NSUN2: variants seen among roughly 807,000 people sequenced by gnomAD.
NSUN2 encodes the protein NOP2/Sun RNA methyltransferase 2.
In NSUN2, 63 loss-of-function variants were observed where a neutral mutation model predicts 92.7. That is an observed-to-expected ratio of 0.68 (90% CI 0.56 to 0.84). The LOEUF (loss-of-function observed/expected upper bound fraction) is 0.84, where lower values mean the gene tolerates loss of function less well. Among genes scored for constraint, NSUN2 ranks in the 40% least tolerant of loss-of-function variants. The pLI is 0.00. For synonymous variants in NSUN2, 356 were observed against 348.3 expected (o/e 1.02, Z -0.25); for missense variants, 989 against 964.9 (o/e 1.02, Z -0.33).
At chr5:6,623,369 G>T in intron 4 of NSUN2, 84 bp from the exon 5 acceptor site, 2 of 1,229,174 alleles carry the variant, frequency 1.6e-6, no homozygotes, top group Non-Finnish European at 2.3e-6. Flanking sequence ...TGTTTCAAAG[G>T]CAACAGGAAA....
intron 3 of NSUN2, among the ~76,000 whole-genome samples, chr5:6,626,272 A>G (rs1030153251): frequency 3.9e-5 from 6 of 152,134 alleles, no homozygotes; most frequent in African/African-American, 1.4e-4. Flanking sequence ...TCCTGCCATC[A>G]TATCTGTGAA....
At position 6,607,086 on chromosome 5, in the gene NSUN2, C is replaced by G. The variant is rs1736806919; in HGVS notation, c.1508+114G>C. 2.4e-5 allele frequency: 27 copies of G among 1,117,904 alleles called. 1 individual carries two copies. In the Middle Eastern group the frequency reaches 6.2e-4, roughly 25 times the overall value. The allele number at this position is 1,117,904 out of a possible 1,614,324, so 69.2% of individuals were successfully genotyped here. ...CCCTCACACTGCATGTGCCTGATAC[C>G]ACACATGTACTGCCCCCTCAAACCG... On this transcript the variant is annotated intron_variant, in intron 13 of 18. Transcript: ENST00000264670.
At chr5:6,614,094 G>GAAAA (rs1491184285) in intron 9 of NSUN2, among the ~76,000 whole-genome samples, 1 of 53,414 alleles carries the variant, frequency 1.9e-5, no homozygotes, top group Non-Finnish European at 3.5e-5. Context: ...AGACTGTCTC[G>GAAAA]GAAAAAAAAA....
At chr5:6,620,367 C>A (rs1737388126) in intron 6 of NSUN2, 69 bp from the exon 7 acceptor site, 1 of 1,222,094 alleles carries the variant, frequency 8.2e-7, no homozygotes, top group Admixed American at 2.8e-5. Flanking sequence ...AAATATGCGA[C>A]CTCCAAAGGT....
At chr5:6,614,494 T>C (rs1323898116) in intron 9 of NSUN2, among the ~76,000 whole-genome samples, 1 of 152,216 alleles carries the variant, frequency 6.6e-6, no homozygotes, top group Non-Finnish European at 1.5e-5. Context: ...TGTGAGGTTC[T>C]GTCCACTCTT....
At chr5:6,625,958 GA>G (rs1440909422) in intron 3 of NSUN2, among the ~76,000 whole-genome samples, 1 of 152,032 alleles carries the variant, frequency 6.6e-6, no homozygotes, top group Non-Finnish European at 1.5e-5. Flanking sequence ...GAGATCAGAT[GA>G]AAAAGCGGAC....
At chr5:6,628,352 AT>A (rs1184547178) in intron 3 of NSUN2, among the ~76,000 whole-genome samples, 2 of 152,154 alleles carry the variant, frequency 1.3e-5, no homozygotes, top group East Asian at 1.9e-4. Flanking sequence ...TCAAAAAAAA[AT>A]ATAAGTAAAC....
At position 6,600,200 on chromosome 5, in the gene NSUN2, A is replaced by G; in HGVS notation, c.2030T>C (p.Leu677Ser). The G allele has an allele frequency of 6.2e-7, 1 of 1,614,238 alleles. No homozygotes were observed. The highest frequency in any genetic ancestry group is 1.1e-5 in the South Asian group (1 of 91,088). ...NPDALQCPIV[L>S]CGWRGKASIR... ...GGAGGCCTTTCCCCGCCATCCGCAT[A>G]AGACGATGGGACACTGCAGAGCGTC... The change falls in exon 19 of 19, where the codon TTA (leucine) becomes TCA (serine). Residue 677 changes from leucine (L) to serine (S), a missense_variant. Leu to Ser is a moderately radical substitution (Grantham distance 145). Around this residue, in one of 3 missense-constraint regions of NSUN2, gnomAD observed 626 missense variants for 602.3 expected, o/e 1.04. Coordinates refer to ENST00000264670, the MANE Select transcript of NSUN2 (RefSeq NM_017755.6).
chr5:6,613,276 A>C (rs1215342462), intron 9 of NSUN2, among the ~76,000 whole-genome samples: 1 of 152,274 alleles, frequency 6.6e-6, no homozygotes, highest in Non-Finnish European at 1.5e-5. Context: ...CAACACAATC[A>C]AAACTATTCA....
chr5:6,614,096 A>G (rs1478593704), intron 9 of NSUN2, among the ~76,000 whole-genome samples: 23 of 31,612 alleles, frequency 7.3e-4, no homozygotes, highest in East Asian at 3.3e-3. Flanking sequence ...ACTGTCTCGG[A>G]AAAAAAAAAA....
rs11748532 is a variant in NSUN2, at chr5:6,603,829, C to T, written c.1957+309G>A. Reference sequence around the variant, plus strand: ...CTGCTCACAGGCTGACCCCTCCTCTCCCCGGACTCTCTGGCCCAGCAAGGT... The same window carrying T: ...CTGCTCACAGGCTGACCCCTCCTCTTCCCGGACTCTCTGGCCCAGCAAGGT... On this transcript the variant is annotated intron_variant, in intron 17 of 18. Coordinates refer to ENST00000264670, the MANE Select transcript of NSUN2 (RefSeq NM_017755.6). 0.4 allele frequency: 104,139 copies of T among 262,132 alleles called. 21,769 individuals carry two copies. Among genetic ancestry groups the T allele is most frequent in the African/African-American group, 0.53 (23,577 of 44,454 alleles). 16.2% of individuals were successfully genotyped at this position (262,132 alleles called of 1,614,324 possible).
rs1182063931 is a variant in NSUN2 at position 6,599,676 on chromosome 5, GACCC to G, written c.*246_*249del. ...TCTATTCCCAGCAAAAGAAACACTA[GACCC>G]AGCTTGGCCAAAGAAACAAAATAAA... On this transcript the variant is annotated 3_prime_UTR_variant, in exon 19 of 19. Coordinates refer to ENST00000264670, the MANE Select transcript of NSUN2 (RefSeq NM_017755.6). 2.2e-6 allele frequency: 1 copy of G among 460,480 alleles called. No individual in the cohort carries two copies. Among genetic ancestry groups the G allele is most frequent in the Non-Finnish European group, 3.8e-6 (1 of 261,090 alleles). The allele number at this position is 460,480 out of a possible 1,614,324, so 28.5% of individuals were successfully genotyped here. A position where few individuals can be genotyped will look rare whatever the true frequency, so the allele number is the denominator to read the frequency against.
intron 4 of NSUN2, among the ~76,000 whole-genome samples, chr5:6,624,113 GGCT>G (rs1737562065): frequency 6.6e-6 from 1 of 152,328 alleles, no homozygotes; most frequent in Non-Finnish European, 1.5e-5. Context: ...TTACACTGAT[GGCT>G]GCTAATTTTC....
chr5:6,624,461 T>C (rs1737572874), intron 4 of NSUN2, among the ~76,000 whole-genome samples: 1 of 152,132 alleles, frequency 6.6e-6, no homozygotes, highest in South Asian at 2.1e-4. Flanking sequence ...TCCTCCATCT[T>C]CCAAACATGC....
At chr5:6,623,849 C>G (rs1429066284) in intron 4 of NSUN2, among the ~76,000 whole-genome samples, 1 of 130,804 alleles carries the variant, frequency 7.6e-6, no homozygotes, top group East Asian at 2.0e-4. Flanking sequence ...TCACCACACT[C>G]CCTGCCCTCT....
rs111573762 is a variant in NSUN2, at chr5:6,623,044, GAA to G, written c.537+168_537+169del. Among the ~76,000 whole-genome samples, 2,117 of 72,962 alleles carry G rather than the reference GAA, an allele frequency of 0.029. 53 individuals are homozygous for G. Among genetic ancestry groups the G allele is most frequent in the African/African-American group, 0.092 (1,992 of 21,588 alleles). 47.9% of individuals were successfully genotyped at this position (72,962 alleles called of 152,430 possible). On this transcript the variant is annotated intron_variant, in intron 5 of 18. Transcript: ENST00000264670. Reference sequence around the variant, plus strand: ...CATAAAAATTAAGTAGGACAAAAAAGAAAAAAAAAAAAAAAAGAAACTAAGAT... The same window carrying G: ...CATAAAAATTAAGTAGGACAAAAAAGAAAAAAAAAAAAAAGAAACTAAGAT...
intron 18 of NSUN2, among the ~76,000 whole-genome samples, chr5:6,601,212 T>C (rs751762822): frequency 6.6e-6 from 1 of 152,138 alleles, no homozygotes; most frequent in African/African-American, 2.4e-5. Context: ...CCTGTGTATT[T>C]CACCAAGTAG....
Position 6,628,522 on chromosome 5 carries a change from T to A in NSUN2, c.360-2853A>T, listed in dbSNP as rs189896160. ...CAAGCTATGGTCCTATACATAACTT[T>A]CCTTCTAGAAAATGTAATTTCAAAA... On this transcript the variant is annotated intron_variant, in intron 3 of 18. Coordinates refer to ENST00000264670, the MANE Select transcript of NSUN2 (RefSeq NM_017755.6). 5.7e-3 allele frequency among the ~76,000 whole-genome samples: 867 copies of A among 152,340 alleles called. 7 individuals carry two copies. The highest frequency in any genetic ancestry group is 0.017 in the South Asian group (83 of 4,824).
intron 3 of NSUN2, among the ~76,000 whole-genome samples, chr5:6,628,884 A>C (rs1001281197): frequency 2.6e-5 from 4 of 152,176 alleles, no homozygotes; most frequent in Non-Finnish European, 5.9e-5. Context: ...CTCTACAAAA[A>C]AATAAAAAAA....
Sources: gnomAD v4.1 joint callset for allele counts (sites outside exome capture counted in the v4.1 genomes callset) on GRCh38, gnomAD v4.1.1 for gene constraint, gnomAD v4.1.1 regional missense constraint, MANE v1.5 for transcripts, NCBI Gene and HGNC (gene_info 2026-07-23, HGNC 2026-07-21) for gene names.